The following GKAP1 variants were observed in gnomAD, a reference collection of about 807,000 sequenced individuals.
GKAP1 encodes G kinase anchoring protein 1.
A neutral mutation model predicts 56.7 loss-of-function variants in GKAP1; 31 were observed. The ratio of observed to expected loss-of-function variants is 0.55; its 90% CI spans 0.41 to 0.74. The LOEUF (loss-of-function observed/expected upper bound fraction) is 0.74, where lower values mean the gene tolerates loss of function less well. GKAP1 is among the 30% of genes least tolerant of loss of function. The pLI, the probability that GKAP1 is intolerant of heterozygous loss-of-function variation, is 0.00. For missense variants in GKAP1, 364 were observed against 402.3 expected (o/e 0.90, Z 0.82); for synonymous variants, 151 against 138.6 (o/e 1.09, Z -0.63).
chr9:83,752,079 G>A (rs1587692077), intron 9 of GKAP1, among the ~76,000 whole-genome samples: 1 of 152,270 alleles, frequency 6.6e-6, no homozygotes, highest in East Asian at 1.9e-4. Context: ...ATGAAATTCT[G>A]ACACATGCTA....
At chr9:83,781,416 T>C (rs1943969559) in intron 6 of GKAP1, among the ~76,000 whole-genome samples, 1 of 152,214 alleles carries the variant, frequency 6.6e-6, no homozygotes, top group Admixed American at 6.5e-5. Flanking sequence ...GATGATCAGG[T>C]ATCTAATACT....
intron 7 of GKAP1, among the ~76,000 whole-genome samples, chr9:83,770,117 G>A (rs1444125145): frequency 6.6e-6 from 1 of 152,070 alleles, no homozygotes; most frequent in Admixed American, 6.6e-5. Flanking sequence ...TATTGAATAT[G>A]ATTTACAAAC....
At position 83,739,748 on chromosome 9, in the gene GKAP1, TAAAAA is replaced by T; in HGVS notation, c.1054-9_1054-5del. The T allele has an allele frequency of 2.7e-6, 4 of 1,466,776 alleles. No homozygotes were observed. Among genetic ancestry groups the T allele is most frequent in the Non-Finnish European group, 1.9e-6 (2 of 1,077,124 alleles). The allele number at this position is 1,466,776 out of a possible 1,614,324, so 90.9% of individuals were successfully genotyped here. A position where few individuals can be genotyped will look rare whatever the true frequency, so the allele number is the denominator to read the frequency against. On this transcript the variant is annotated splice_polypyrimidine_tract_variant and splice_region_variant and intron_variant, in intron 12 of 12. Coordinates refer to ENST00000376371, the MANE Select transcript of GKAP1 (RefSeq NM_025211.4). Reference sequence around the variant, plus strand: ...TTCTTTTCCCTTTTCTGCCACCCTGTAAAAAAAAAAAAAAATAGGGAAAATTATTT... The same window carrying T: ...TTCTTTTCCCTTTTCTGCCACCCTGTAAAAAAAAAATAGGGAAAATTATTT...
chr9:83,790,844 A>G (rs1231973903), intron 4 of GKAP1, among the ~76,000 whole-genome samples: 1 of 152,040 alleles, frequency 6.6e-6, no homozygotes, highest in African/African-American at 2.4e-5. Context: ...AAAAAGTAAC[A>G]AAACTACTTG....
At chr9:83,794,144 G>A (rs1944206363) in intron 4 of GKAP1, among the ~76,000 whole-genome samples, 1 of 152,124 alleles carries the variant, frequency 6.6e-6, no homozygotes, top group Non-Finnish European at 1.5e-5. Flanking sequence ...TCCAGCTTGG[G>A]CGATGGGAGT....
intron 4 of GKAP1, among the ~76,000 whole-genome samples, chr9:83,797,340 C>A (rs1944264451): frequency 6.6e-6 from 1 of 152,192 alleles, no homozygotes; most frequent in African/African-American, 2.4e-5. Context: ...GAAGAACACC[C>A]CCTACATTGT....
At position 83,748,478 on chromosome 9, in the gene GKAP1, T is replaced by C. The variant is rs1049242310; in HGVS notation, c.841-106A>G. 6.5e-6 allele frequency: 4 copies of C among 615,048 alleles called. No individual in the cohort carries two copies. The Admixed American group carries it at 1.2e-4, about 18-fold the overall frequency. The allele number at this position is 615,048 out of a possible 1,614,324, so 38.1% of individuals were successfully genotyped here. On this transcript the variant is annotated intron_variant, in intron 9 of 12. Transcript: ENST00000376371. ...TGAATTCTTGGCTTGCTCAAAGATATAATTACTTTAGAAACAAACAGGATG... is the reference window on the plus strand; with the variant it reads ...TGAATTCTTGGCTTGCTCAAAGATACAATTACTTTAGAAACAAACAGGATG...
chr9:83,756,873 A>G (rs1162774854), intron 8 of GKAP1, among the ~76,000 whole-genome samples: 2 of 152,216 alleles, frequency 1.3e-5, no homozygotes, highest in African/African-American at 4.8e-5. Flanking sequence ...TACAAGAGAT[A>G]CTACTTTTTA....
chr9:83,811,022 C>T (rs1457675978), intron 2 of GKAP1, among the ~76,000 whole-genome samples: 2 of 152,114 alleles, frequency 1.3e-5, no homozygotes, highest in Admixed American at 6.6e-5. Flanking sequence ...AGAAAAGGTA[C>T]AATAAAAATA....
chr9:83,811,705 T>C (rs9314723), intron 2 of GKAP1, among the ~76,000 whole-genome samples: 102,751 of 151,698 alleles, frequency 0.68, 35,498 homozygotes, highest in African/African-American at 0.81. Context: ...TTTAATGACC[T>C]CTTGTTTGAT....
chr9:83,760,849 T>C (rs1943557445), intron 8 of GKAP1, among the ~76,000 whole-genome samples: 1 of 151,910 alleles, frequency 6.6e-6, no homozygotes, highest in Non-Finnish European at 1.5e-5. Context: ...CCAAAAGCTA[T>C]GGAATACAAT....
chr9:83,804,277 C>A (rs559264306), intron 3 of GKAP1, among the ~76,000 whole-genome samples: 1 of 148,754 alleles, frequency 6.7e-6, no homozygotes, highest in African/African-American at 2.5e-5. Context: ...CCCGGCCAGC[C>A]GCCCCATCTG....
At chr9:83,767,674 T>C (rs1943687540) in intron 8 of GKAP1, among the ~76,000 whole-genome samples, 1 of 152,054 alleles carries the variant, frequency 6.6e-6, no homozygotes, top group Admixed American at 6.6e-5. Context: ...TATTCTCTCT[T>C]TTCTAATTTT....
intron 7 of GKAP1, among the ~76,000 whole-genome samples, chr9:83,770,229 C>T (rs1403703455): frequency 6.6e-6 from 1 of 152,048 alleles, no homozygotes; most frequent in African/African-American, 2.4e-5. Context: ...TCCAAGAAAC[C>T]ATTGCTTAAC....
At chr9:83,775,541 C>T (rs1026837760) in intron 7 of GKAP1, among the ~76,000 whole-genome samples, 1 of 151,956 alleles carries the variant, frequency 6.6e-6, no homozygotes, top group Non-Finnish European at 1.5e-5. Flanking sequence ...ATGACAGAGC[C>T]TTGGCAGATG....
At chr9:83,790,175 C>T (rs1210680852) in intron 4 of GKAP1, among the ~76,000 whole-genome samples, 1 of 151,870 alleles carries the variant, frequency 6.6e-6, no homozygotes, top group African/African-American at 2.4e-5. Context: ...GAAAAACAAT[C>T]GAATGCAGAA....
At chr9:83,778,576 G>T (rs1249437352) in intron 7 of GKAP1, among the ~76,000 whole-genome samples, 2 of 152,006 alleles carry the variant, frequency 1.3e-5, no homozygotes, top group African/African-American at 4.8e-5. Context: ...AGAGGATCAA[G>T]AAAAATAACT....
chr9:83,775,137 G>C (rs2131277190), intron 7 of GKAP1, among the ~76,000 whole-genome samples: 1 of 152,124 alleles, frequency 6.6e-6, no homozygotes, highest in Admixed American at 6.5e-5. Context: ...CAGAGTAGCT[G>C]GGACTACAGG....
intron 7 of GKAP1, among the ~76,000 whole-genome samples, chr9:83,774,775 T>A (rs1441420807): frequency 7.5e-6 from 1 of 133,732 alleles, no homozygotes; most frequent in African/African-American, 2.8e-5. Context: ...AGCAGTGCGA[T>A]CTCGACTCAC....
Sources: gnomAD v4.1 joint callset for allele counts (sites outside exome capture counted in the v4.1 genomes callset) on GRCh38, gnomAD v4.1.1 for gene constraint, MANE v1.5 for transcripts, NCBI Gene and HGNC (gene_info 2026-07-23, HGNC 2026-07-21) for gene names.